The following SGCD variants were observed in gnomAD, a reference collection of about 807,000 sequenced individuals.
SGCD encodes sarcoglycan delta, also known as delta-sarcoglycan.
SGCD carries 18 observed loss-of-function variants against 36.6 expected under a neutral mutation model. The ratio of observed to expected loss-of-function variants is 0.49; its 90% confidence interval spans 0.34 to 0.73. The LOEUF (loss-of-function observed/expected upper bound fraction) is 0.73. SGCD is among the 30% of genes least tolerant of loss of function. The pLI, the probability that SGCD is intolerant of heterozygous loss-of-function variation, is 0.01. For missense variants in SGCD, 387 were observed against 346.7 expected, an observed-to-expected ratio of 1.12 and a Z score of -0.92; for synonymous variants, 133 against 130.6, an observed-to-expected ratio of 1.02 and a Z score of -0.12.
At chr5:155,907,424 A>G (rs542032267) in intron 1 of SGCD, among the ~76,000 whole-genome samples, 2 of 152,256 alleles carry the variant, frequency 1.3e-5, no homozygotes, top group African/African-American at 4.8e-5. Flanking sequence ...GCTGCCATAG[A>G]TGGTGACTTC....
At chr5:156,263,252 G>A (rs1005799139) in intron 3 of SGCD, among the ~76,000 whole-genome samples, 75 of 151,954 alleles carry the variant, frequency 4.9e-4, no homozygotes, top group African/African-American at 1.7e-3. Flanking sequence ...CCTTTTCACC[G>A]AATCCTTGCC....
intron 3 of SGCD, among the ~76,000 whole-genome samples, chr5:156,317,151 T>A (rs1184865723): frequency 1.3e-5 from 2 of 152,110 alleles, no homozygotes; most frequent in Non-Finnish European, 2.9e-5. Flanking sequence ...CTGAATCTAT[T>A]TAAATATCAA....
At chr5:156,242,011 C>A (rs1765317625) in intron 3 of SGCD, among the ~76,000 whole-genome samples, 1 of 152,184 alleles carries the variant, frequency 6.6e-6, no homozygotes, top group East Asian at 1.9e-4. Context: ...CAGGCCAGTG[C>A]AGGGTGTCAC....
At chr5:156,415,004 C>A (rs978987928) in intron 3 of SGCD, among the ~76,000 whole-genome samples, 1 of 152,062 alleles carries the variant, frequency 6.6e-6, no homozygotes, top group African/African-American at 2.4e-5. Context: ...GTATTTTATT[C>A]TTTGGAGGCA....
chr5:155,798,150 C>T, the SGCD span, among the ~76,000 whole-genome samples: 1 of 152,206 alleles, frequency 6.6e-6, no homozygotes, highest in Non-Finnish European at 1.5e-5. Context: ...AGATTCCATA[C>T]ACTTCTTCCT....
At chr5:156,315,143 A>G (rs928840221) in intron 3 of SGCD, among the ~76,000 whole-genome samples, 1 of 151,930 alleles carries the variant, frequency 6.6e-6, no homozygotes, top group Non-Finnish European at 1.5e-5. Context: ...GTTGTCCATT[A>G]AGTCTCCAAT....
intron 3 of SGCD, among the ~76,000 whole-genome samples, chr5:156,471,879 C>T (rs537600099): frequency 2.5e-4 from 37 of 149,452 alleles, no homozygotes; most frequent in Middle Eastern, 3.4e-3. Context: ...ACATACACAA[C>T]GAATTTATAT....
At chr5:156,363,262 C>T (rs143867059) in intron 3 of SGCD, among the ~76,000 whole-genome samples, 29 of 152,294 alleles carry the variant, frequency 1.9e-4, no homozygotes, top group Non-Finnish European at 4.0e-4. Flanking sequence ...ATCTACATTT[C>T]TAGCCTTCCA....
chr5:156,697,357 A>G (rs1754360181), intron 7 of SGCD, among the ~76,000 whole-genome samples: 2 of 152,164 alleles, frequency 1.3e-5, no homozygotes, highest in Non-Finnish European at 2.9e-5. Context: ...GAGATGGACA[A>G]GAACTACTTA....
At chr5:156,584,004 G>C (rs2113348696) in intron 4 of SGCD, among the ~76,000 whole-genome samples, 2 of 152,130 alleles carry the variant, frequency 1.3e-5, no homozygotes, top group South Asian at 4.1e-4. Flanking sequence ...GAATGAACTA[G>C]GAAAGGAAAG....
the SGCD span, among the ~76,000 whole-genome samples, chr5:155,765,224 A>G: frequency 6.6e-5 from 10 of 151,862 alleles, no homozygotes; most frequent in Non-Finnish European, 4.4e-5. Context: ...AGGCTCCAGT[A>G]AGCTGTGATT....
At chr5:156,266,249 A>C (rs1471654526) in intron 3 of SGCD, among the ~76,000 whole-genome samples, 1 of 152,218 alleles carries the variant, frequency 6.6e-6, no homozygotes, top group East Asian at 1.9e-4. Flanking sequence ...CTTACGCCAA[A>C]AATGTTTTTC....
intron 4 of SGCD, among the ~76,000 whole-genome samples, chr5:156,517,192 C>T (rs1333806913): frequency 6.6e-6 from 1 of 152,102 alleles, no homozygotes; most frequent in African/African-American, 2.4e-5. Context: ...CTTCACAATG[C>T]AGCCACAAGT....
the SGCD span, among the ~76,000 whole-genome samples, chr5:155,778,164 AAC>A: frequency 1.3e-5 from 2 of 152,186 alleles, no homozygotes; most frequent in Admixed American, 1.3e-4. Flanking sequence ...AGAATAGCAA[AAC>A]ACAGCATTCT....
At chr5:156,510,656 T>A (rs1343193706) in intron 4 of SGCD, among the ~76,000 whole-genome samples, 1 of 152,148 alleles carries the variant, frequency 6.6e-6, no homozygotes, top group Non-Finnish European at 1.5e-5. Context: ...CATTCTTAGT[T>A]TGGGAGTCAT....
At chr5:156,586,259 A>G (rs1305446129) in intron 4 of SGCD, among the ~76,000 whole-genome samples, 3 of 152,068 alleles carry the variant, frequency 2.0e-5, no homozygotes, top group Non-Finnish European at 2.9e-5. Flanking sequence ...GATATTTGCT[A>G]TTTCCTCGTG....
chr5:156,649,406 G>A (rs1350596809), intron 7 of SGCD, among the ~76,000 whole-genome samples: 2 of 152,126 alleles, frequency 1.3e-5, no homozygotes, highest in Non-Finnish European at 2.9e-5. Context: ...AAAGACACAT[G>A]CACACATATA....
At chr5:156,504,733 T>G (rs933748939) in intron 3 of SGCD, among the ~76,000 whole-genome samples, 1 of 152,102 alleles carries the variant, frequency 6.6e-6, no homozygotes, top group Non-Finnish European at 1.5e-5. Flanking sequence ...TCAGCAACAA[T>G]GAAGGAACTG....
chr5:155,941,439 A>G lies in SGCD; in HGVS notation c.-282+71015A>G, dbSNP rs556559442. Among the ~76,000 whole-genome samples the G allele has an allele frequency of 5.3e-5, 8 of 152,084 alleles. No homozygotes were observed. The South Asian group carries it at 1.5e-3, about 28-fold the overall frequency. On this transcript the variant is annotated intron_variant, in intron 1 of 9. Transcript: ENST00000517913. ...TTGTGGGAACTTCTGTCACAGTTAT[A>G]ATTATATTGCTATTAACAATCACTG...
Sources: allele counts gnomAD v4.1 joint callset (sites outside exome capture counted in the v4.1 genomes callset), GRCh38; gene constraint gnomAD v4.1.1; transcripts MANE v1.5; gene names NCBI Gene and HGNC (gene_info 2026-07-23, HGNC 2026-07-21).